FHL5: variants seen among roughly 807,000 people sequenced by gnomAD.
FHL5 encodes the protein four and a half LIM domains 5.
FHL5 carries 33 observed loss-of-function variants against 32.0 expected under a neutral mutation model. The observed-to-expected ratio is 1.03, with a 90% CI of 0.78 to 1.38. FHL5 has a LOEUF of 1.38. Ranked by LOEUF, FHL5 falls within the 40% of genes most tolerant of loss-of-function variation. The pLI is 0.00. For synonymous variants in FHL5, 114 were observed against 113.6 expected (o/e 1.00, Z -0.02); for missense variants, 336 against 343.9 (o/e 0.98, Z 0.18).
At chr6:96,592,038 G>A (rs756694043) in intron 1 of FHL5, among the ~76,000 whole-genome samples, 19 of 152,088 alleles carry the variant, frequency 1.2e-4, no homozygotes, top group Admixed American at 3.3e-4. Flanking sequence ...CCATAGGACC[G>A]GGGCAAAATT....
chr6:96,601,553 G>A lies in FHL5; in HGVS notation c.-12-2049G>A, dbSNP rs555315096. 9.2e-4 allele frequency among the ~76,000 whole-genome samples: 140 copies of A among 152,160 alleles called. 2 individuals carry two copies. The highest frequency in any genetic ancestry group is 1.1e-3 in the Non-Finnish European group (77 of 67,998). On this transcript the variant is annotated intron_variant, in intron 1 of 5. Coordinates refer to ENST00000450218, the MANE Select transcript of FHL5 (RefSeq NM_001322466.2). ...AAACAATTGAAATATTATCAATTTG[G>A]TAATCCCTTTTGTGGTTTTATATGT...
chr6:96,600,962 T>C (rs1771134607), intron 1 of FHL5, among the ~76,000 whole-genome samples: 4 of 152,200 alleles, frequency 2.6e-5, no homozygotes, highest in Admixed American at 2.6e-4. Context: ...GGTTTTGAGA[T>C]ATTAGACTGA....
At chr6:96,605,765 A>G (rs1771262658) in intron 3 of FHL5, 137 bp from the exon 4 acceptor site, 4 of 763,998 alleles carry the variant, frequency 5.2e-6, no homozygotes, top group Non-Finnish European at 8.0e-6. Flanking sequence ...TTGAACCTGA[A>G]AAAATACTAT....
chr6:96,578,328 G>T lies in FHL5; in HGVS notation c.-13+14973G>T, dbSNP rs914223975. Among the ~76,000 whole-genome samples, 7 of 152,232 alleles carry T rather than the reference G, an allele frequency of 4.6e-5. No individual in the cohort carries two copies. In the South Asian group the frequency reaches 1.4e-3, roughly 32 times the overall value. On this transcript the variant is annotated intron_variant, in intron 1 of 5. Transcript: ENST00000450218. Reference sequence around the variant, plus strand: ...ACAATTAATTTACTGCAAAGTAGAAGTTAATTTTTTTTCTTCTTAAGAAAA... The same window carrying T: ...ACAATTAATTTACTGCAAAGTAGAATTTAATTTTTTTTCTTCTTAAGAAAA...
chr6:96,568,284 A>G (rs148674612), intron 1 of FHL5, among the ~76,000 whole-genome samples: 4 of 151,892 alleles, frequency 2.6e-5, no homozygotes, highest in African/African-American at 7.2e-5. Context: ...ACATTTATTC[A>G]TTTGTATATT....
chr6:96,578,304 C>T (rs139723265), intron 1 of FHL5, among the ~76,000 whole-genome samples: 94 of 152,234 alleles, frequency 6.2e-4, no homozygotes, highest in African/African-American at 2.0e-3. Flanking sequence ...ACTGATTGCA[C>T]AATTAATTTA....
rs1770537616 is a variant in FHL5 at position 96,574,061 on chromosome 6, C to G, written c.-13+10706C>G. Among the ~76,000 whole-genome samples the G allele has an allele frequency of 2.6e-5, 4 of 151,948 alleles. No homozygotes were observed. In the South Asian group the frequency reaches 6.2e-4, roughly 24 times the overall value. On this transcript the variant is annotated intron_variant, in intron 1 of 5. Transcript: ENST00000450218. The stretch of plus-strand genomic sequence containing the variant: ...AAAAAAAAAATTATATAATTGAGGT[C>G]ATACTGATTATTCTATTTCACACTT...
At chr6:96,606,099 T>A (rs751850433) in intron 4 of FHL5, 28 bp downstream of exon 4, 1 of 1,591,174 alleles carries the variant, frequency 6.3e-7, no homozygotes. Context: ...GTGAAGCTTG[T>A]GGAAACTCAG....
rs772527518 is a variant in FHL5 at position 96,598,779 on chromosome 6, C to T, written c.-12-4823C>T. ...TTTGTTTAGTGATTTATGAAATGTC[C>T]TTACTCTTCCTGCTAGATCATAAGC... is the stretch of plus-strand genomic sequence containing the variant. On this transcript the variant is annotated intron_variant, in intron 1 of 5. Transcript: ENST00000450218. Among the ~76,000 whole-genome samples the T allele has an allele frequency of 3.4e-4, 51 of 152,148 alleles. 1 individual carries two copies. Among genetic ancestry groups the T allele is most frequent in the Non-Finnish European group, 6.5e-4 (44 of 68,026 alleles).
chr6:96,596,501 C>T (rs1771037352), intron 1 of FHL5, among the ~76,000 whole-genome samples: 2 of 152,004 alleles, frequency 1.3e-5, no homozygotes, highest in African/African-American at 4.8e-5. Context: ...TATATATTCT[C>T]TTCTTGTAGT....
chr6:96,602,514 T>C (rs1362177020), intron 1 of FHL5, among the ~76,000 whole-genome samples: 3 of 130,044 alleles, frequency 2.3e-5, no homozygotes, highest in African/African-American at 8.6e-5. Context: ...TGGCACAATC[T>C]CGGCTCACTG....
rs753564404 is a variant in FHL5 at position 96,615,624 on chromosome 6, A to G, written c.707A>G (p.Lys236Arg). Residue 236 changes from lysine to arginine, a missense_variant, in exon 6 of 6, where the codon AAG becomes AGG. By Grantham distance (26) the Lys-to-Arg change is conservative. Transcript: ENST00000450218. ...SKPISGLTGA[K>R]FICFQDSQWH... ...TCCTTTACAGGTCTCACAGGTGCCAAGTTTATCTGCTTTCAAGACAGCCAG... is the reference window on the plus strand; with the variant it reads ...TCCTTTACAGGTCTCACAGGTGCCAGGTTTATCTGCTTTCAAGACAGCCAG... 6.2e-7 allele frequency: 1 copy of G among 1,608,150 alleles called. No homozygotes were observed. Among genetic ancestry groups the G allele is most frequent in the Non-Finnish European group, 8.5e-7 (1 of 1,177,378 alleles).
chr6:96,614,117 C>A (rs1771468062), intron 5 of FHL5, among the ~76,000 whole-genome samples: 1 of 152,148 alleles, frequency 6.6e-6, no homozygotes, highest in Non-Finnish European at 1.5e-5. Flanking sequence ...CTTAAAGTTG[C>A]CAGATGCTTC....
At chr6:96,573,811 G>A (rs186847447) in intron 1 of FHL5, among the ~76,000 whole-genome samples, 65 of 151,668 alleles carry the variant, frequency 4.3e-4, no homozygotes, top group East Asian at 1.6e-3. Flanking sequence ...ATGAACCACC[G>A]CGTCTGGCCC....
chr6:96,574,127 TTAAA>T (rs1313373503), intron 1 of FHL5, among the ~76,000 whole-genome samples: 1 of 152,180 alleles, frequency 6.6e-6, no homozygotes, highest in East Asian at 1.9e-4. Context: ...CACCATGCCA[TTAAA>T]TACTCTTCCG....
chr6:96,569,561 T>G (rs1177099780), intron 1 of FHL5, among the ~76,000 whole-genome samples: 2 of 152,170 alleles, frequency 1.3e-5, no homozygotes, highest in African/African-American at 4.8e-5. Flanking sequence ...TGAAATCTAT[T>G]TCTCCTTTGG....
At chr6:96,564,577 CTG>C (rs66878023) in intron 1 of FHL5, among the ~76,000 whole-genome samples, 2,554 of 152,258 alleles carry the variant, frequency 0.017, 62 homozygotes, top group African/African-American at 0.058. Context: ...CTGAATTAAT[CTG>C]TGTTTCTTAC....
intron 1 of FHL5, among the ~76,000 whole-genome samples, chr6:96,569,699 T>G (rs1310021492): frequency 6.6e-6 from 1 of 152,012 alleles, no homozygotes; most frequent in East Asian, 1.9e-4. Flanking sequence ...CTTTACCTGA[T>G]ATAAGTATAG....
At position 96,600,892 on chromosome 6, in the gene FHL5, ATGT is replaced by A. The variant is rs562595842; in HGVS notation, c.-12-2707_-12-2705del. On this transcript the variant is annotated intron_variant, in intron 1 of 5. Coordinates refer to ENST00000450218, the MANE Select transcript of FHL5 (RefSeq NM_001322466.2). ...AAATCACTAAGTAAATATTCAAGAAATGTTGACCTGAACCAAATGCTTCCTCCC... is the reference window on the plus strand; with the variant it reads ...AAATCACTAAGTAAATATTCAAGAAATGACCTGAACCAAATGCTTCCTCCC... Among the ~76,000 whole-genome samples, 50 of 152,342 alleles carry A rather than the reference ATGT, an allele frequency of 3.3e-4. No individual in the cohort carries two copies. The East Asian group carries it at 7.9e-3, about 24-fold the overall frequency.
Sources: gnomAD v4.1 joint callset for allele counts (sites outside exome capture counted in the v4.1 genomes callset) on GRCh38, gnomAD v4.1.1 for gene constraint, MANE v1.5 for transcripts, NCBI Gene and HGNC (gene_info 2026-07-23, HGNC 2026-07-21) for gene names.